Variants in CNBD1 observed in about 807,000 individuals in gnomAD.
CNBD1 encodes the protein cyclic nucleotide binding domain containing 1.
Under a neutral mutation model 54.4 loss-of-function variants are expected in CNBD1, and 71 were observed. The observed-to-expected ratio is 1.30, with a 90% CI of 1.08 to 1.59. CNBD1 has a LOEUF of 1.59. CNBD1 is among the 40% of genes most tolerant of loss of function. The probability of loss-of-function intolerance (pLI) is 0.00; values close to 1 mark genes in which losing one functional copy is unlikely to be tolerated. For missense variants in CNBD1, 659 were observed against 518.0 expected (o/e 1.27, Z -2.64); for synonymous variants, 182 against 170.7 (o/e 1.07, Z -0.51).
At chr8:87,405,422 A>G (rs79927339) in intron 2 of CNBD1, among the ~76,000 whole-genome samples, 2,767 of 152,204 alleles carry the variant, frequency 0.018, 84 homozygotes, top group African/African-American at 0.06. Context: ...TCCTTAGAGA[A>G]TAATATTCCT....
At chr8:87,117,674 G>T (rs1811802880) in intron 4 of CNBD1, among the ~76,000 whole-genome samples, 1 of 152,154 alleles carries the variant, frequency 6.6e-6, no homozygotes, top group African/African-American at 2.4e-5. Flanking sequence ...AAGATAAGGA[G>T]TGAGAACTAA....
intron 4 of CNBD1, among the ~76,000 whole-genome samples, chr8:87,055,930 C>A (rs1350473108): frequency 7.1e-6 from 1 of 141,172 alleles, no homozygotes; most frequent in Non-Finnish European, 1.6e-5. Context: ...TTCCTTCCTT[C>A]CTTCCTTCCT....
chr8:87,107,935 G>A (rs1811576291), intron 4 of CNBD1, among the ~76,000 whole-genome samples: 2 of 152,162 alleles, frequency 1.3e-5, no homozygotes, highest in Admixed American at 1.3e-4. Context: ...AACTGCATGT[G>A]TATCTATCTC....
chr8:87,347,518 C>T (rs1255324089), intron 8 of CNBD1, among the ~76,000 whole-genome samples: 1 of 150,400 alleles, frequency 6.6e-6, no homozygotes, highest in Non-Finnish European at 1.5e-5. Flanking sequence ...AAGCAATAAA[C>T]AAATCAATAA....
intron 4 of CNBD1, among the ~76,000 whole-genome samples, chr8:86,968,238 G>T (rs1415660269): frequency 1.3e-5 from 2 of 151,724 alleles, no homozygotes; most frequent in African/African-American, 4.8e-5. Flanking sequence ...TTTTTGTTTT[G>T]TTTTGTTTTT....
intron 4 of CNBD1, among the ~76,000 whole-genome samples, chr8:87,022,931 A>G (rs563185676): frequency 6.6e-6 from 1 of 152,334 alleles, no homozygotes; most frequent in East Asian, 1.9e-4. Flanking sequence ...GAGGCAGTTT[A>G]GGAAGAGAAC....
intron 5 of CNBD1, among the ~76,000 whole-genome samples, chr8:87,225,901 A>G (rs1188991766): frequency 1.7e-4 from 26 of 149,648 alleles, no homozygotes; most frequent in African/African-American, 6.6e-4. Context: ...GCTATTGATT[A>G]TTGCCACAAT....
At chr8:87,186,964 T>A (rs1813491122) in intron 4 of CNBD1, among the ~76,000 whole-genome samples, 1 of 152,098 alleles carries the variant, frequency 6.6e-6, no homozygotes, top group African/African-American at 2.4e-5. Flanking sequence ...TAGAAGTGGA[T>A]TAATTATCAT....
At chr8:87,008,504 T>C (rs1471209641) in intron 4 of CNBD1, among the ~76,000 whole-genome samples, 1 of 152,214 alleles carries the variant, frequency 6.6e-6, no homozygotes, top group Non-Finnish European at 1.5e-5. Flanking sequence ...AAAGTTAGTT[T>C]TTGGATAGCC....
At chr8:87,222,272 G>T (rs1814356505) in intron 5 of CNBD1, among the ~76,000 whole-genome samples, 1 of 152,150 alleles carries the variant, frequency 6.6e-6, no homozygotes, top group Non-Finnish European at 1.5e-5. Context: ...GAGAAATACT[G>T]TAGGGGATCA....
intron 8 of CNBD1, among the ~76,000 whole-genome samples, chr8:87,313,425 G>A (rs975942943): frequency 5.3e-5 from 8 of 151,940 alleles, no homozygotes; most frequent in Admixed American, 2.0e-4. Context: ...AAGAAGTACT[G>A]TGGTCTCATA....
intron 2 of CNBD1, among the ~76,000 whole-genome samples, chr8:87,425,814 A>G (rs1205685841): frequency 5.9e-5 from 9 of 152,098 alleles, no homozygotes; most frequent in Admixed American, 2.0e-4. Flanking sequence ...CTACAGAGGC[A>G]GGCAGGCCTC....
At chr8:87,159,561 G>T (rs1812813890) in intron 4 of CNBD1, among the ~76,000 whole-genome samples, 1 of 151,988 alleles carries the variant, frequency 6.6e-6, no homozygotes, top group South Asian at 2.1e-4. Flanking sequence ...TCACTTTTGG[G>T]GCATGATAAA....
Position 87,382,759 on chromosome 8 carries a change from A to G in CNBD1, c.*132A>G. ...TGTGACTACATATCCTGGATTCCCC[A>G]GGAAAGTCCCACTTTCGAATTGCCT... On this transcript the variant is annotated 3_prime_UTR_variant, in exon 11 of 11. Transcript: ENST00000518476. 2 of 544,722 alleles carry G rather than the reference A, an allele frequency of 3.7e-6. No individual in the cohort carries two copies. The highest frequency in any genetic ancestry group is 4.2e-5 in the South Asian group (1 of 24,030). 33.7% of individuals were successfully genotyped at this position (544,722 alleles called of 1,614,324 possible).
In CNBD1 at chr8:86,937,957, C is replaced by T. The variant is rs1036790952; in HGVS notation, c.273-1639C>T. Among the ~76,000 whole-genome samples, 5 of 152,126 alleles carry T rather than the reference C, an allele frequency of 3.3e-5. No individual in the cohort carries two copies. In the East Asian group the frequency reaches 9.7e-4, roughly 29 times the overall value. On this transcript the variant is annotated intron_variant, in intron 3 of 10. Coordinates refer to ENST00000518476, the MANE Select transcript of CNBD1 (RefSeq NM_173538.3). Reference sequence around the variant, plus strand: ...TTTCTGAACTTTTATGCTCTGCTTCCCTTTTAAACATAAGTTCCAATTCCA... The same window carrying T: ...TTTCTGAACTTTTATGCTCTGCTTCTCTTTTAAACATAAGTTCCAATTCCA...
intron 4 of CNBD1, among the ~76,000 whole-genome samples, chr8:87,035,155 A>G (rs1809891620): frequency 6.6e-6 from 1 of 152,090 alleles, no homozygotes; most frequent in Non-Finnish European, 1.5e-5. Context: ...TGCCATCTTT[A>G]TTTCCTTAAT....
At chr8:87,172,951 C>T (rs1563495209) in intron 4 of CNBD1, among the ~76,000 whole-genome samples, 1 of 151,910 alleles carries the variant, frequency 6.6e-6, no homozygotes, top group Non-Finnish European at 1.5e-5. Flanking sequence ...CCTTTCTCTT[C>T]CTTCTTTCTT....
chr8:86,954,213 T>C (rs544434083), intron 4 of CNBD1, among the ~76,000 whole-genome samples: 6 of 152,326 alleles, frequency 3.9e-5, no homozygotes, highest in African/African-American at 1.4e-4. Context: ...ATTTCACCCT[T>C]GCATTAGTCT....
intron 6 of CNBD1, among the ~76,000 whole-genome samples, chr8:87,276,659 C>T (rs1808486757): frequency 6.6e-6 from 1 of 151,806 alleles, no homozygotes; most frequent in Non-Finnish European, 1.5e-5. Context: ...ACTATAAAAG[C>T]TGAATAACAC....
Sources: gnomAD v4.1 joint callset for allele counts (sites outside exome capture counted in the v4.1 genomes callset) on GRCh38, gnomAD v4.1.1 for gene constraint, MANE v1.5 for transcripts, NCBI Gene and HGNC (gene_info 2026-07-23, HGNC 2026-07-21) for gene names.